The following CNKSR2 variants were observed in gnomAD, a reference collection of about 807,000 sequenced individuals.
CNKSR2 encodes the protein connector enhancer of kinase suppressor of Ras 2.
CNKSR2 carries 14 observed loss-of-function variants against 84.4 expected under a neutral mutation model. That is an observed-to-expected ratio of 0.17 (90% CI 0.11 to 0.26). The LOEUF (loss-of-function observed/expected upper bound fraction) is 0.26, where lower values mean the gene tolerates loss of function less well. Ranked by LOEUF, CNKSR2 falls within the 10% of genes least tolerant of loss-of-function variation. The pLI is 1.00. For missense variants in CNKSR2, 485 were observed against 771.2 expected, an observed-to-expected ratio of 0.63 and a Z score of 4.40; for synonymous variants, 275 against 277.9, an observed-to-expected ratio of 0.99 and a Z score of 0.10.
At chrX:21,562,434 A>G (rs1013254121) in intron 12 of CNKSR2, among the ~76,000 whole-genome samples, 8 of 111,918 alleles carry the variant, frequency 7.1e-5, no homozygotes, top group African/African-American at 2.6e-4. Flanking sequence ...GACCATATGG[A>G]CAAGCAAGCA....
At chrX:21,583,522 G>A (rs1229739997) in intron 13 of CNKSR2, among the ~76,000 whole-genome samples, 1 of 111,482 alleles carries the variant, frequency 9.0e-6, no homozygotes, top group Non-Finnish European at 1.9e-5. Flanking sequence ...GTTTCAAATT[G>A]TTAAGCACCT....
chrX:21,540,990 T>G (rs1404129506), intron 11 of CNKSR2, among the ~76,000 whole-genome samples: 2 of 108,727 alleles, frequency 1.8e-5, no homozygotes, highest in African/African-American at 6.7e-5. Context: ...ATCTGGTTGT[T>G]TTTTTTTTTT....
At chrX:21,464,989 A>G (rs1411727253) in intron 4 of CNKSR2, among the ~76,000 whole-genome samples, 1 of 112,045 alleles carries the variant, frequency 8.9e-6, no homozygotes, top group African/African-American at 3.2e-5. Context: ...CTTAAATTTT[A>G]ACCAAATCAG....
At chrX:21,402,906 A>G (rs1458382779) in intron 1 of CNKSR2, among the ~76,000 whole-genome samples, 2 of 111,453 alleles carry the variant, frequency 1.8e-5, no homozygotes, top group African/African-American at 3.3e-5. Context: ...GGAATAGAAT[A>G]GAAAGCCTAG....
chrX:21,392,344 G>C (rs879143114), intron 1 of CNKSR2, among the ~76,000 whole-genome samples: 4 of 111,799 alleles, frequency 3.6e-5, no homozygotes, highest in Admixed American at 1.9e-4. Flanking sequence ...AACTACCTGA[G>C]ACTGGGTAAT....
intron 4 of CNKSR2, among the ~76,000 whole-genome samples, chrX:21,464,498 G>A (rs1365845500): frequency 9.0e-6 from 1 of 111,726 alleles, no homozygotes; most frequent in East Asian, 2.8e-4. Flanking sequence ...CGGCTGGGGG[G>A]ACAATCCCTC....
At chrX:21,595,701 G>A (rs755550102) in intron 17 of CNKSR2, among the ~76,000 whole-genome samples, 1 of 111,751 alleles carries the variant, frequency 8.9e-6, no homozygotes, top group East Asian at 2.8e-4. Context: ...ACTCCCAGAT[G>A]GGGGAAAAAG....
rs768497403 is a variant in CNKSR2, at chrX:21,473,745, GTTTTTT to G, written c.561+2952_561+2957del. 5.7e-3 allele frequency among the ~76,000 whole-genome samples: 386 copies of G among 67,202 alleles called. 23 individuals are homozygous for G. Among genetic ancestry groups the G allele is most frequent in the African/African-American group, 0.039 (376 of 9,707 alleles). The allele number at this position is 67,202 out of a possible 115,157, so 58.4% of individuals were successfully genotyped here. On this transcript the variant is annotated intron_variant, in intron 5 of 21. Coordinates refer to ENST00000379510, the MANE Select transcript of CNKSR2 (RefSeq NM_014927.5). The stretch of plus-strand genomic sequence containing the variant: ...TAGGTTTTTTGTTGTTGTTGGTTTG[GTTTTTT>G]TTTTTTTTTTTTTGAGACAGAGTCT...
chrX:21,505,017 T>G (rs1203941473), intron 8 of CNKSR2: 1 of 272,814 alleles, frequency 3.7e-6, no homozygotes, highest in African/African-American at 2.8e-5. Context: ...CGGCATAGTT[T>G]GATGCAGCAA....
chrX:21,587,852 T>A (rs1290506717), intron 13 of CNKSR2, among the ~76,000 whole-genome samples: 1 of 111,995 alleles, frequency 8.9e-6, no homozygotes, highest in African/African-American at 3.2e-5. Flanking sequence ...GTTCAGTGAT[T>A]TGCTAGAAGA....
chrX:21,463,308 G>A (rs1436143528), intron 4 of CNKSR2, among the ~76,000 whole-genome samples: 6 of 111,139 alleles, frequency 5.4e-5, no homozygotes, highest in Non-Finnish European at 7.5e-5. Flanking sequence ...GTGTGTCTTT[G>A]TCTGGTTTTG....
At chrX:21,462,100 A>G (rs984802527) in intron 4 of CNKSR2, among the ~76,000 whole-genome samples, 2 of 110,775 alleles carry the variant, frequency 1.8e-5, no homozygotes, top group African/African-American at 6.6e-5. Context: ...TTTGATAGGG[A>G]TTGCATTGAA....
At chrX:21,435,943 A>T (rs1340003119) in intron 3 of CNKSR2, among the ~76,000 whole-genome samples, 1 of 111,453 alleles carries the variant, frequency 9.0e-6, no homozygotes, top group Non-Finnish European at 1.9e-5. Flanking sequence ...AACCTTTTAC[A>T]TATTTAAGGC....
Position 21,440,525 on chromosome X carries a change from A to G in CNKSR2, c.432-169A>G, listed in dbSNP as rs991060675. 3.6e-5 allele frequency among the ~76,000 whole-genome samples: 4 copies of G among 111,946 alleles called. No individual in the cohort carries two copies. The South Asian group carries it at 1.1e-3, about 31-fold the overall frequency. On this transcript the variant is annotated intron_variant, in intron 3 of 21. Transcript: ENST00000379510. ...ATTTCCTGAATTTAATTTTCTTCCAATCATTTCTTTCAAATCTTTCCTTAA... is the reference window on the plus strand; with the variant it reads ...ATTTCCTGAATTTAATTTTCTTCCAGTCATTTCTTTCAAATCTTTCCTTAA...
chrX:21,543,717 T>G (rs1226376406), intron 11 of CNKSR2, among the ~76,000 whole-genome samples: 1 of 112,710 alleles, frequency 8.9e-6, no homozygotes, highest in Admixed American at 9.4e-5. Flanking sequence ...TTTGTTTCCC[T>G]GTCTGTAAAA....
chrX:21,409,731 C>T (rs2090316582), intron 1 of CNKSR2, among the ~76,000 whole-genome samples: 1 of 110,625 alleles, frequency 9.0e-6, no homozygotes. Context: ...GCTAATTTTT[C>T]GTTTAGCCTG....
At chrX:21,524,267 T>A (rs2091812975) in intron 9 of CNKSR2, among the ~76,000 whole-genome samples, 1 of 111,126 alleles carries the variant, frequency 9.0e-6, no homozygotes, top group African/African-American at 3.2e-5. Flanking sequence ...GCCAGATGAG[T>A]TAAGCAATAG....
rs530490271 is a variant in CNKSR2, at chrX:21,483,409, A to G, written c.562-7050A>G. On this transcript the variant is annotated intron_variant, in intron 5 of 21. Transcript: ENST00000379510. ...TGAACAATGAGAACACTTGGACACA[A>G]GAAGGGGAACATCACACACTGGGGC... is the stretch of plus-strand genomic sequence containing the variant. 3.7e-5 allele frequency among the ~76,000 whole-genome samples: 4 copies of G among 108,668 alleles called. No homozygotes were observed. The South Asian group carries it at 1.7e-3, about 45-fold the overall frequency. 94.4% of individuals were successfully genotyped at this position (108,668 alleles called of 115,157 possible).
At chrX:21,557,602 C>T (rs1246939641) in intron 11 of CNKSR2, among the ~76,000 whole-genome samples, 1 of 111,196 alleles carries the variant, frequency 9.0e-6, no homozygotes, top group East Asian at 2.8e-4. Context: ...ACAGTGGTAT[C>T]ACAAGGCTTA....
Sources: gnomAD v4.1 joint callset for allele counts (sites outside exome capture counted in the v4.1 genomes callset) on GRCh38, gnomAD v4.1.1 for gene constraint, MANE v1.5 for transcripts, NCBI Gene and HGNC (gene_info 2026-07-23, HGNC 2026-07-21) for gene names.